Variants in TRPC4 observed in about 807,000 individuals in gnomAD.
The protein encoded by TRPC4 is transient receptor potential cation channel subfamily C member 4.
TRPC4 carries 49 observed loss-of-function variants against 99.4 expected under a neutral mutation model. That is an observed-to-expected ratio of 0.49 (90% CI 0.39 to 0.63). The LOEUF (loss-of-function observed/expected upper bound fraction) is 0.63, where lower values mean the gene tolerates loss of function less well. Among genes scored for constraint, TRPC4 ranks in the 20% least tolerant of loss-of-function variants. TRPC4 has a pLI of 0.00. For synonymous variants in TRPC4, 454 were observed against 425.9 expected, an observed-to-expected ratio of 1.07 and a Z score of -0.81; for missense variants, 898 against 1,152.9, an observed-to-expected ratio of 0.78 and a Z score of 3.20.
At chr13:37,851,974 C>T (rs1959070306) in intron 1 of TRPC4, among the ~76,000 whole-genome samples, 1 of 152,192 alleles carries the variant, frequency 6.6e-6, no homozygotes, top group Non-Finnish European at 1.5e-5. Context: ...TTGCCTATCC[C>T]AGTGGTCAGA....
chr13:37,657,454 C>T (rs1308447488), intron 6 of TRPC4, among the ~76,000 whole-genome samples: 1 of 152,212 alleles, frequency 6.6e-6, no homozygotes, highest in Admixed American at 6.5e-5. Context: ...TTAAAGACAA[C>T]TTCTAAAATT....
intron 1 of TRPC4, among the ~76,000 whole-genome samples, chr13:37,868,803 T>C (rs1434052662): frequency 1.3e-5 from 2 of 152,290 alleles, no homozygotes; most frequent in East Asian, 1.9e-4. Flanking sequence ...GGATACACCA[T>C]AGTGAATGCA....
intron 1 of TRPC4, among the ~76,000 whole-genome samples, chr13:37,804,569 AGATTG>A (rs1451303957): frequency 6.6e-6 from 1 of 152,154 alleles, no homozygotes; most frequent in Non-Finnish European, 1.5e-5. Context: ...TGTATTTTAT[AGATTG>A]GAAAGTATTA....
intron 4 of TRPC4, among the ~76,000 whole-genome samples, chr13:37,686,421 ACG>A (rs1491287556): frequency 1.3e-5 from 2 of 151,206 alleles, no homozygotes; most frequent in African/African-American, 4.9e-5. Flanking sequence ...TTATACGTAT[ACG>A]TGTGTGTGTG....
rs61394712 is a variant in TRPC4 at position 37,753,575 on chromosome 13, A to AAGAGAG, written c.379-7126_379-7121dup. Among the ~76,000 whole-genome samples, 671 of 137,312 alleles carry AAGAGAG rather than the reference A, an allele frequency of 4.9e-3. 4 individuals are homozygous for AAGAGAG. The highest frequency in any genetic ancestry group is 0.015 in the African/African-American group (546 of 35,876). 90.1% of individuals were successfully genotyped at this position (137,312 alleles called of 152,430 possible). On this transcript the variant is annotated intron_variant, in intron 2 of 10. Transcript: ENST00000379705. ...AGAGAAAGAAAGAGAGAGAGAGAGA[A>AAGAGAG]AGAGAGAGAGAGAGAGAGAGAGAGA...
chr13:37,717,525 G>C (rs1954719433), intron 3 of TRPC4, among the ~76,000 whole-genome samples: 1 of 152,094 alleles, frequency 6.6e-6, no homozygotes, highest in Non-Finnish European at 1.5e-5. Context: ...CTCTACCCAA[G>C]ATTAGTATGT....
At chr13:37,826,276 TA>T (rs1958204985) in intron 1 of TRPC4, among the ~76,000 whole-genome samples, 1 of 89,002 alleles carries the variant, frequency 1.1e-5, no homozygotes, top group African/African-American at 4.7e-5. Flanking sequence ...CATTTACATT[TA>T]AAGTTAATAT....
At chr13:37,826,625 G>A (rs1958222811) in intron 1 of TRPC4, among the ~76,000 whole-genome samples, 1 of 151,964 alleles carries the variant, frequency 6.6e-6, no homozygotes, top group Non-Finnish European at 1.5e-5. Context: ...GGCTTATAGG[G>A]TTTCTGCCAA....
At chr13:37,752,341 G>T (rs1033969969) in intron 2 of TRPC4, among the ~76,000 whole-genome samples, 3 of 151,748 alleles carry the variant, frequency 2.0e-5, no homozygotes, top group Admixed American at 2.0e-4. Context: ...TTGGCAAAGT[G>T]CCTAGCGGAT....
At chr13:37,853,355 C>T (rs151138982) in intron 1 of TRPC4, among the ~76,000 whole-genome samples, 2,156 of 152,240 alleles carry the variant, frequency 0.014, 30 homozygotes, top group African/African-American at 0.029. Flanking sequence ...TAAAGACCAC[C>T]AAGGCAGGAC....
chr13:37,710,279 CATA>C (rs1049431802), intron 3 of TRPC4, among the ~76,000 whole-genome samples: 44 of 152,010 alleles, frequency 2.9e-4, no homozygotes, highest in African/African-American at 1.0e-3. Context: ...CCGGCTTAAG[CATA>C]AGACTTGAAG....
chr13:37,632,570 C>T lies in TRPC4; in HGVS notation c.*4333G>A, dbSNP rs1395141419. ...TACTGGTGAATTTGACTTGCAGAGA[C>T]GTCTTCACTGTCAGCCTAGTAACGG... On this transcript the variant is annotated 3_prime_UTR_variant, in exon 11 of 11. Coordinates refer to ENST00000379705, the MANE Select transcript of TRPC4 (RefSeq NM_016179.4). 4.6e-5 allele frequency among the ~76,000 whole-genome samples: 7 copies of T among 152,142 alleles called. No individual in the cohort carries two copies. Among genetic ancestry groups the T allele is most frequent in the South Asian group, 4.1e-4 (2 of 4,836 alleles).
rs182213800 is a variant in TRPC4, at chr13:37,652,388, C to T, written c.1885-929G>A. ...TTTGATATTCCTAAATTGCTGTGTGCGGATGAATAAGTTATGCATACTTTT... is the reference window on the plus strand; with the variant it reads ...TTTGATATTCCTAAATTGCTGTGTGTGGATGAATAAGTTATGCATACTTTT... On this transcript the variant is annotated intron_variant, in intron 7 of 10. Coordinates refer to ENST00000379705, the MANE Select transcript of TRPC4 (RefSeq NM_016179.4). 2.0e-4 allele frequency among the ~76,000 whole-genome samples: 31 copies of T among 152,236 alleles called. No homozygotes were observed. In the East Asian group the frequency reaches 4.8e-3, roughly 24 times the overall value.
At chr13:37,725,591 T>C (rs947290377) in intron 3 of TRPC4, among the ~76,000 whole-genome samples, 3 of 152,100 alleles carry the variant, frequency 2.0e-5, no homozygotes, top group African/African-American at 7.2e-5. Flanking sequence ...ATATAGTTAA[T>C]GTACTACAAA....
intron 6 of TRPC4, among the ~76,000 whole-genome samples, chr13:37,657,359 A>T (rs1952273500): frequency 6.6e-6 from 1 of 152,246 alleles, no homozygotes; most frequent in Non-Finnish European, 1.5e-5. Flanking sequence ...GGCCCTAGAC[A>T]AAGGCCACTA....
chr13:37,823,630 T>C (rs1958094528), intron 1 of TRPC4, among the ~76,000 whole-genome samples: 1 of 151,614 alleles, frequency 6.6e-6, no homozygotes, highest in African/African-American at 2.4e-5. Flanking sequence ...CATTGATCTA[T>C]ATCTCTGTTT....
rs1459015959 is a variant in TRPC4, at chr13:37,814,241, G to A, written c.-27-30881C>T. Among the ~76,000 whole-genome samples, 3 of 151,552 alleles carry A rather than the reference G, an allele frequency of 2.0e-5. No individual in the cohort carries two copies. In the East Asian group the frequency reaches 5.8e-4, roughly 29 times the overall value. The stretch of plus-strand genomic sequence containing the variant: ...AATCATACTTACTGGAAAATACTGA[G>A]CATTTCATCCCTGAGATGGTGAACA... On this transcript the variant is annotated intron_variant, in intron 1 of 10. Transcript: ENST00000379705.
intron 3 of TRPC4, among the ~76,000 whole-genome samples, chr13:37,745,217 G>A (rs1955703297): frequency 1.3e-5 from 2 of 151,646 alleles, no homozygotes; most frequent in South Asian, 4.2e-4. Flanking sequence ...AAGCATCTGT[G>A]GGGGATTGGT....
intron 2 of TRPC4, among the ~76,000 whole-genome samples, chr13:37,751,407 A>T (rs887985615): frequency 4.5e-5 from 6 of 132,838 alleles, no homozygotes; most frequent in African/African-American, 1.5e-4. Context: ...AGAGAGAGAG[A>T]GAGAAAGAAA....
Sources: gnomAD v4.1 joint callset for allele counts (sites outside exome capture counted in the v4.1 genomes callset) on GRCh38, gnomAD v4.1.1 for gene constraint, MANE v1.5 for transcripts, NCBI Gene and HGNC (gene_info 2026-07-23, HGNC 2026-07-21) for gene names.